The following MGAT4C variants were observed in gnomAD, a reference collection of about 807,000 sequenced individuals.
The protein encoded by MGAT4C is alpha-1,3-mannosyl-glycoprotein 4-beta-N-acetylglucosaminyltransferase C.
MGAT4C carries 19 observed loss-of-function variants against 40.1 expected under a neutral mutation model. The observed-to-expected ratio is 0.47, with a 90% CI of 0.33 to 0.70. The LOEUF (loss-of-function observed/expected upper bound fraction) is 0.70. Among genes scored for constraint, MGAT4C ranks in the 30% least tolerant of loss-of-function variants. MGAT4C has a pLI of 0.02. For missense variants in MGAT4C, 491 were observed against 563.2 expected, an observed-to-expected ratio of 0.87 and a Z score of 1.30; for synonymous variants, 181 against 187.1, an observed-to-expected ratio of 0.97 and a Z score of 0.27.
At chr12:86,551,346 T>C (rs1959350921) in intron 2 of MGAT4C, among the ~76,000 whole-genome samples, 1 of 152,118 alleles carries the variant, frequency 6.6e-6, no homozygotes, top group Non-Finnish European at 1.5e-5. Context: ...TGCACATGTG[T>C]CCTGGGCCTT....
At chr12:86,701,385 GT>G (rs1950361685) in intron 2 of MGAT4C, among the ~76,000 whole-genome samples, 1 of 151,924 alleles carries the variant, frequency 6.6e-6, no homozygotes, top group Admixed American at 6.6e-5. Flanking sequence ...TATTATATCT[GT>G]TATGGTGATC....
chr12:86,116,504 T>C (rs1878445800), intron 1 of MGAT4C, among the ~76,000 whole-genome samples: 2 of 151,926 alleles, frequency 1.3e-5, no homozygotes, highest in Admixed American at 6.6e-5. Flanking sequence ...TTAAGAGTAA[T>C]TATTCACTTT....
chr12:86,438,816 G>T (rs1245394377), intron 2 of MGAT4C, among the ~76,000 whole-genome samples: 2 of 151,656 alleles, frequency 1.3e-5, no homozygotes, highest in Non-Finnish European at 2.9e-5. Flanking sequence ...GGGCAAGCAG[G>T]AGTAGCTATT....
intron 1 of MGAT4C, among the ~76,000 whole-genome samples, chr12:86,079,102 A>T (rs1870338261): frequency 6.6e-6 from 1 of 152,198 alleles, no homozygotes; most frequent in Non-Finnish European, 1.5e-5. Context: ...AAAGGCACTG[A>T]TTATTTGAGA....
intron 2 of MGAT4C, among the ~76,000 whole-genome samples, chr12:86,723,815 A>G (rs1415281026): frequency 6.6e-6 from 1 of 152,138 alleles, no homozygotes; most frequent in Middle Eastern, 3.2e-3. Context: ...CTATTGTAAC[A>G]TTTTTCAGTT....
At chr12:86,309,573 C>A (rs766204937) in intron 4 of MGAT4C, among the ~76,000 whole-genome samples, 1 of 152,136 alleles carries the variant, frequency 6.6e-6, no homozygotes, top group Non-Finnish European at 1.5e-5. Flanking sequence ...CGGGCTCTGC[C>A]CTCATGACTT....
rs374645206 is a variant in MGAT4C, at chr12:86,424,714, A to C, written c.-120+10443T>G. Among the ~76,000 whole-genome samples the C allele has an allele frequency of 3.3e-5, 5 of 152,322 alleles. No homozygotes were observed. In the East Asian group the frequency reaches 7.7e-4, roughly 24 times the overall value. ...TTCTAAGAACAAATTGATTAAATCAATTAATTCTTATAACAATCTAATAAA... is the reference window on the plus strand; with the variant it reads ...TTCTAAGAACAAATTGATTAAATCACTTAATTCTTATAACAATCTAATAAA... On this transcript the variant is annotated intron_variant, in intron 3 of 7. Coordinates refer to the MGAT4C transcript ENST00000548651.
At chr12:86,351,674 T>C (rs919181563) in intron 3 of MGAT4C, among the ~76,000 whole-genome samples, 49 of 152,166 alleles carry the variant, frequency 3.2e-4, no homozygotes, top group African/African-American at 1.0e-3. Flanking sequence ...CATTGACATG[T>C]TCAGTTTAAC....
intron 2 of MGAT4C, among the ~76,000 whole-genome samples, chr12:86,520,570 T>C (rs573601600): frequency 6.6e-5 from 10 of 152,314 alleles, no homozygotes; most frequent in African/African-American, 2.4e-4. Flanking sequence ...GAATAATTTA[T>C]ATTTCTTTGG....
intron 1 of MGAT4C, among the ~76,000 whole-genome samples, chr12:86,778,811 A>G (rs1041031249): frequency 2.0e-5 from 3 of 152,144 alleles, no homozygotes; most frequent in African/African-American, 7.2e-5. Flanking sequence ...AAGAAATTCT[A>G]AATCACTTTT....
intron 2 of MGAT4C, among the ~76,000 whole-genome samples, chr12:86,503,118 CAT>C (rs1331622617): frequency 2.2e-4 from 7 of 31,286 alleles, no homozygotes; most frequent in Non-Finnish European, 3.2e-4. Context: ...GAGTTCTGCT[CAT>C]ATATATATAT....
intron 1 of MGAT4C, among the ~76,000 whole-genome samples, chr12:86,233,754 A>G (rs1370184053): frequency 6.6e-6 from 1 of 152,134 alleles, no homozygotes; most frequent in Non-Finnish European, 1.5e-5. Context: ...GAAAATAACT[A>G]TTTTTTGAGC....
chr12:86,423,341 G>A (rs934542889), intron 3 of MGAT4C, among the ~76,000 whole-genome samples: 3 of 151,252 alleles, frequency 2.0e-5, no homozygotes, highest in Admixed American at 6.6e-5. Context: ...TAAAATTATG[G>A]AAGTTGGAGT....
At chr12:86,127,889 A>T (rs1025873783) in intron 1 of MGAT4C, among the ~76,000 whole-genome samples, 2 of 152,044 alleles carry the variant, frequency 1.3e-5, no homozygotes, top group African/African-American at 4.8e-5. Flanking sequence ...CTTTTCTAAT[A>T]CCTCCTGAAG....
rs1365618958 is a variant in MGAT4C at position 85,980,418 on chromosome 12, A to G, written c.308T>C (p.Ile103Thr). The G allele has an allele frequency of 1.3e-6, 2 of 1,595,650 alleles. No individual in the cohort carries two copies. Among genetic ancestry groups the G allele is most frequent in the Non-Finnish European group, 1.7e-6 (2 of 1,171,860 alleles). ...TTTTCGCTTTACTGAAGAAAGTCCA[A>G]TTGTAAGATACCCTGCAAAAAAGAA... ...TPLQRKRYLT[I>T]GLSSVKRKKG... Residue 103 changes from isoleucine (I) to threonine (T), a missense_variant, in exon 5 of 5, where the codon ATT becomes ACT. Physicochemically the swap from Ile to Thr is moderately conservative, Grantham distance 89. Transcript: ENST00000611864.
At chr12:86,050,233 T>C (rs1010496815) in intron 1 of MGAT4C, among the ~76,000 whole-genome samples, 3 of 151,974 alleles carry the variant, frequency 2.0e-5, no homozygotes, top group African/African-American at 4.8e-5. Context: ...ATTCAAGAGA[T>C]TGTTCCTGTT....
chr12:86,653,315 C>T (rs11830255), intron 2 of MGAT4C, among the ~76,000 whole-genome samples: 1,570 of 151,920 alleles, frequency 0.01, 21 homozygotes, highest in African/African-American at 0.036. Flanking sequence ...ATAACTTCCG[C>T]TCACCTCAAA....
At chr12:86,565,138 T>C (rs912928252) in intron 2 of MGAT4C, among the ~76,000 whole-genome samples, 1 of 152,142 alleles carries the variant, frequency 6.6e-6, no homozygotes, top group Non-Finnish European at 1.5e-5. Context: ...GAACTGCCTA[T>C]CATTAAGTGG....
chr12:86,575,519 A>C (rs948251288), intron 2 of MGAT4C, among the ~76,000 whole-genome samples: 6 of 151,828 alleles, frequency 4.0e-5, no homozygotes, highest in African/African-American at 1.4e-4. Flanking sequence ...AGTTCTATCC[A>C]TGTTGTTGCA....
Sources: allele counts gnomAD v4.1 joint callset (sites outside exome capture counted in the v4.1 genomes callset), GRCh38; gene constraint gnomAD v4.1.1; transcripts MANE v1.5; gene names NCBI Gene and HGNC (gene_info 2026-07-23, HGNC 2026-07-21).